Variants in RARB observed in about 807,000 individuals in gnomAD.
RARB encodes HBV-activated protein.
A neutral mutation model predicts 51.9 loss-of-function variants in RARB; 17 were observed. That is an observed-to-expected ratio of 0.33 (90% CI 0.22 to 0.49). The LOEUF is 0.49. Ranked by LOEUF, RARB falls within the 20% of genes least tolerant of loss-of-function variation. The probability of loss-of-function intolerance (pLI) is 0.99; values close to 1 mark genes in which losing one functional copy is unlikely to be tolerated. For missense variants in RARB, 369 were observed against 550.8 expected, an observed-to-expected ratio of 0.67 and a Z score of 3.30; for synonymous variants, 215 against 195.4, an observed-to-expected ratio of 1.10 and a Z score of -0.84.
At chr3:24,861,951 A>G (rs1032513509) in intron 2 of RARB, among the ~76,000 whole-genome samples, 3 of 152,214 alleles carry the variant, frequency 2.0e-5, no homozygotes, top group African/African-American at 4.8e-5. Flanking sequence ...AATTCCTTCC[A>G]TGTAAGTGGA....
intron 5 of RARB, among the ~76,000 whole-genome samples, chr3:25,285,619 G>A (rs577403988): frequency 5.9e-5 from 9 of 152,286 alleles, no homozygotes; most frequent in African/African-American, 1.7e-4. Flanking sequence ...CTAAGGTGAT[G>A]ACCAAGGGTT....
In RARB at chr3:24,951,057, G is replaced by A. The variant is rs545804354; in HGVS notation, c.-380+92305G>A. Among the ~76,000 whole-genome samples the A allele has an allele frequency of 8.9e-4, 135 of 152,268 alleles. 1 individual carries two copies. The highest frequency in any genetic ancestry group is 3.1e-3 in the African/African-American group (130 of 41,552). ...AGGGCAAGCTAGTAGGGATCTCTGG[G>A]AGTACTTCCCTCTGGAGAAAATGCT... On this transcript the variant is annotated intron_variant, in intron 2 of 11. Transcript: ENST00000383772.
At chr3:25,486,514 A>G (rs1696481086) in intron 2 of RARB, among the ~76,000 whole-genome samples, 1 of 152,188 alleles carries the variant, frequency 6.6e-6, no homozygotes, top group African/African-American at 2.4e-5. Context: ...CATGTGAGCA[A>G]ATACTTACTG....
At position 25,456,444 on chromosome 3, in the gene RARB, C is replaced by G. The variant is rs1032752671; in HGVS notation, c.158-4749C>G. Among the ~76,000 whole-genome samples, 3 of 150,752 alleles carry G rather than the reference C, an allele frequency of 2.0e-5. No individual in the cohort carries two copies. The South Asian group carries it at 6.3e-4, about 32-fold the overall frequency. On this transcript the variant is annotated intron_variant, in intron 1 of 7. Coordinates refer to ENST00000330688, the MANE Select transcript of RARB (RefSeq NM_000965.5). The stretch of plus-strand genomic sequence containing the variant: ...AAAGGCAAGAGATTGCATTAAAGTA[C>G]AAATCTTTTATATTGATGCCATATC...
At chr3:25,404,606 G>T (rs1297605001) in intron 5 of RARB, among the ~76,000 whole-genome samples, 1 of 152,164 alleles carries the variant, frequency 6.6e-6, no homozygotes, top group Non-Finnish European at 1.5e-5. Flanking sequence ...CATTTTTTGA[G>T]CACCTGCTGT....
In RARB at chr3:24,992,734, C is replaced by T. The variant is rs988530167; in HGVS notation, c.-379-67391C>T. 2.0e-5 allele frequency among the ~76,000 whole-genome samples: 3 copies of T among 152,264 alleles called. No individual in the cohort carries two copies. The South Asian group carries it at 6.2e-4, about 32-fold the overall frequency. On this transcript the variant is annotated intron_variant, in intron 2 of 11. Coordinates refer to the RARB transcript ENST00000383772. ...TTCCCTCTGTGTATCCTAATTTCCTCTTTTTATATGGACACCAGTCAGATC... is the reference window on the plus strand; with the variant it reads ...TTCCCTCTGTGTATCCTAATTTCCTTTTTTTATATGGACACCAGTCAGATC...
intron 5 of RARB, among the ~76,000 whole-genome samples, chr3:25,251,646 A>G (rs898862930): frequency 6.6e-6 from 1 of 152,132 alleles, no homozygotes. Flanking sequence ...CCTATTGGCT[A>G]TTTGCATATC....
chr3:25,068,763 G>T (rs1349014367), intron 3 of RARB, among the ~76,000 whole-genome samples: 3 of 152,082 alleles, frequency 2.0e-5, no homozygotes, highest in Non-Finnish European at 4.4e-5. Flanking sequence ...ATCTATAATG[G>T]AGGCGTCATC....
intron 3 of RARB, among the ~76,000 whole-genome samples, chr3:25,567,274 A>C (rs1575526012): frequency 6.6e-6 from 1 of 152,034 alleles, no homozygotes; most frequent in Non-Finnish European, 1.5e-5. Flanking sequence ...AAAAAACAAA[A>C]CCCTGAACCC....
At chr3:24,931,580 A>G (rs1365151155) in intron 2 of RARB, among the ~76,000 whole-genome samples, 1 of 152,092 alleles carries the variant, frequency 6.6e-6, no homozygotes, top group Non-Finnish European at 1.5e-5. Flanking sequence ...TCTAATTTGT[A>G]TATATAATGC....
intron 2 of RARB, among the ~76,000 whole-genome samples, chr3:24,905,814 A>G (rs2125375149): frequency 6.6e-6 from 1 of 152,316 alleles, no homozygotes; most frequent in South Asian, 2.1e-4. Flanking sequence ...TTTGATTAAT[A>G]CCTACTTACA....
At chr3:25,100,522 T>C (rs538150470) in intron 3 of RARB, among the ~76,000 whole-genome samples, 3 of 152,276 alleles carry the variant, frequency 2.0e-5, no homozygotes, top group Non-Finnish European at 2.9e-5. Context: ...TAGCCAGAGA[T>C]CTGGTTCCTA....
At chr3:25,389,197 A>C (rs1706878773) in intron 5 of RARB, among the ~76,000 whole-genome samples, 1 of 152,170 alleles carries the variant, frequency 6.6e-6, no homozygotes, top group African/African-American at 2.4e-5. Context: ...TCCAAGTACC[A>C]GAGTTGATTG....
intron 5 of RARB, among the ~76,000 whole-genome samples, chr3:25,279,329 T>C (rs1255934778): frequency 6.6e-6 from 1 of 152,198 alleles, no homozygotes; most frequent in East Asian, 1.9e-4. Flanking sequence ...AAAGGATACC[T>C]CTTGTCCTGT....
intron 5 of RARB, among the ~76,000 whole-genome samples, chr3:25,358,547 T>C (rs897806936): frequency 1.7e-4 from 26 of 152,172 alleles, no homozygotes; most frequent in African/African-American, 6.3e-4. Context: ...GAGGACATTC[T>C]TGTCTTGTGC....
intron 5 of RARB, among the ~76,000 whole-genome samples, chr3:25,590,561 C>T (rs889959057): frequency 2.6e-5 from 4 of 152,154 alleles, no homozygotes; most frequent in Non-Finnish European, 4.4e-5. Flanking sequence ...CACTCTGTCA[C>T]CCAGGCTGAA....
chr3:25,260,052 G>T (rs567194451), intron 5 of RARB: 1 of 946,100 alleles, frequency 1.1e-6, no homozygotes, highest in Non-Finnish European at 1.3e-6. Context: ...GTGTGAGTTC[G>T]TGTGTGGCTG....
chr3:25,433,464 C>A (rs776936091), intron 1 of RARB, among the ~76,000 whole-genome samples: 19 of 152,136 alleles, frequency 1.2e-4, no homozygotes, highest in Non-Finnish European at 2.4e-4. Flanking sequence ...GCATTCCTTG[C>A]AAAATGGACT....
chr3:25,263,756 C>T (rs1703060485), intron 5 of RARB, among the ~76,000 whole-genome samples: 1 of 152,078 alleles, frequency 6.6e-6, no homozygotes, highest in Admixed American at 6.6e-5. Context: ...GCCAGTGTGC[C>T]AGGGAGGAAA....
Sources: allele counts gnomAD v4.1 joint callset (sites outside exome capture counted in the v4.1 genomes callset), GRCh38; gene constraint gnomAD v4.1.1; transcripts MANE v1.5; gene names NCBI Gene and HGNC (gene_info 2026-07-23, HGNC 2026-07-21).